Variants in MAGEC3 observed in about 807,000 individuals in gnomAD.
MAGEC3 encodes the protein MAGE family member C3.
A neutral mutation model predicts 35.3 loss-of-function variants in MAGEC3; 34 were observed. The observed-to-expected ratio is 0.96, with a 90% CI of 0.73 to 1.28. The LOEUF (loss-of-function observed/expected upper bound fraction) is 1.28. Ranked by LOEUF, MAGEC3 falls within the 50% of genes most tolerant of loss-of-function variation. The pLI, the probability that MAGEC3 is intolerant of heterozygous loss-of-function variation, is 0.00. For synonymous variants in MAGEC3, 202 were observed against 185.6 expected, an observed-to-expected ratio of 1.09 and a Z score of -0.72; for missense variants, 561 against 483.6, an observed-to-expected ratio of 1.16 and a Z score of -1.50.
At chrX:141,859,938 A>G (rs1345071767) in intron 1 of MAGEC3, among the ~76,000 whole-genome samples, 1 of 112,242 alleles carries the variant, frequency 8.9e-6, no homozygotes, top group Non-Finnish European at 1.9e-5. Flanking sequence ...ACAAAGCTCA[A>G]TAACCTCTTC....
intron 1 of MAGEC3, among the ~76,000 whole-genome samples, chrX:141,847,312 G>C (rs2017723145): frequency 9.1e-6 from 1 of 110,258 alleles, no homozygotes; most frequent in Non-Finnish European, 1.9e-5. Flanking sequence ...GCACTTATTG[G>C]GCAGATTTAC....
intron 1 of MAGEC3, 84 bp downstream of exon 1, chrX:141,838,522 G>A: frequency 3.5e-6 from 4 of 1,132,086 alleles, no homozygotes; most frequent in Non-Finnish European, 4.7e-6. Flanking sequence ...GTGTTGCTTG[G>A]CTCCAAGACA....
At chrX:141,859,709 G>A (rs1318810269) in intron 1 of MAGEC3, among the ~76,000 whole-genome samples, 3 of 110,915 alleles carry the variant, frequency 2.7e-5, no homozygotes, top group Non-Finnish European at 3.8e-5. Flanking sequence ...TAGGACTTAA[G>A]GAACAACATG....
chrX:141,878,244 T>C (rs2017932675), intron 2 of MAGEC3, among the ~76,000 whole-genome samples: 1 of 108,190 alleles, frequency 9.2e-6, no homozygotes, highest in African/African-American at 3.6e-5. Context: ...AGAGGTGAAG[T>C]GCCGTTCTTA....
intron 1 of MAGEC3, among the ~76,000 whole-genome samples, chrX:141,846,611 C>T (rs189791057): frequency 1.5e-4 from 17 of 111,035 alleles, no homozygotes; most frequent in African/African-American, 5.5e-4. Flanking sequence ...CAAGTCCCCC[C>T]AAGATGGTAA....
intron 3 of MAGEC3, 144 bp downstream of exon 3, chrX:141,879,575 T>G (rs1032619566): frequency 1.4e-6 from 1 of 706,157 alleles, no homozygotes; most frequent in Non-Finnish European, 2.0e-6. Context: ...CAGGAAGGGG[T>G]GGAGAAGGGC....
rs2017976986 is a variant in MAGEC3 at position 141,882,915 on chromosome X, G to A, written c.909+1119G>A. ...AGTCCCTGAGCTAAGGTAGTGTGGG[G>A]CTTCGGGAAACTGCAGGTGCTTCTG... On this transcript the variant is annotated intron_variant, in intron 4 of 7. Coordinates refer to ENST00000298296, the MANE Select transcript of MAGEC3 (RefSeq NM_138702.1). Among the ~76,000 whole-genome samples the A allele has an allele frequency of 4.5e-5, 5 of 112,168 alleles. No individual in the cohort carries two copies. In the South Asian group the frequency reaches 1.9e-3, roughly 42 times the overall value.
At chrX:141,862,284 C>T (rs1302488704) in intron 1 of MAGEC3, among the ~76,000 whole-genome samples, 2 of 111,313 alleles carry the variant, frequency 1.8e-5, no homozygotes, top group African/African-American at 3.3e-5. Context: ...AAAAAAAAAT[C>T]AGATGCTGGT....
chrX:141,848,679 T>C (rs889650207), intron 1 of MAGEC3, among the ~76,000 whole-genome samples: 9 of 111,355 alleles, frequency 8.1e-5, no homozygotes, highest in Non-Finnish European at 1.9e-5. Flanking sequence ...AAAGAATTAA[T>C]ATTGTTAAGA....
At chrX:141,896,459 A>G (rs763563501) in intron 6 of MAGEC3, 3 of 1,156,416 alleles carry the variant, frequency 2.6e-6, no homozygotes, top group South Asian at 2.1e-5. Context: ...TCTTAGGAAG[A>G]CAGGCGACCT....
At chrX:141,870,686 A>G (rs774769387) in intron 2 of MAGEC3, among the ~76,000 whole-genome samples, 1 of 112,207 alleles carries the variant, frequency 8.9e-6, no homozygotes, top group Non-Finnish European at 1.9e-5. Flanking sequence ...AGTAGCTTTA[A>G]TTACATGTTA....
chrX:141,849,698 C>T (rs912084646), intron 1 of MAGEC3, among the ~76,000 whole-genome samples: 3 of 111,135 alleles, frequency 2.7e-5, no homozygotes, highest in African/African-American at 9.8e-5. Context: ...GATACCACCT[C>T]ACACCAGTCA....
chrX:141,850,039 A>C (rs1002096487), intron 1 of MAGEC3, among the ~76,000 whole-genome samples: 3 of 111,735 alleles, frequency 2.7e-5, no homozygotes, highest in African/African-American at 6.5e-5. Context: ...AATACTATGC[A>C]GCTATAAAAA....
intron 1 of MAGEC3, among the ~76,000 whole-genome samples, chrX:141,853,860 A>G (rs2017765344): frequency 9.0e-6 from 1 of 111,207 alleles, no homozygotes; most frequent in Non-Finnish European, 1.9e-5. Flanking sequence ...TTTTTTGCCA[A>G]TAGACTAAGT....
chrX:141,869,245 G>T lies in MAGEC3; in HGVS notation c.258+3640G>T, dbSNP rs190171940. Reference sequence around the variant, plus strand: ...AGTTAAAGCCTTGGTAAAATAACCAGTTTTTTTTTTAATTGTGTTCTGTTA... The same window carrying T: ...AGTTAAAGCCTTGGTAAAATAACCATTTTTTTTTTTAATTGTGTTCTGTTA... On this transcript the variant is annotated intron_variant, in intron 2 of 7. Transcript: ENST00000298296. Among the ~76,000 whole-genome samples the T allele has an allele frequency of 5.2e-3, 562 of 107,475 alleles. 6 individuals are homozygous for T. The highest frequency in any genetic ancestry group is 0.018 in the African/African-American group (544 of 29,626). The allele number at this position is 107,475 out of a possible 115,157, so 93.3% of individuals were successfully genotyped here.
chrX:141,843,106 C>T (rs1347327967), intron 1 of MAGEC3, among the ~76,000 whole-genome samples: 4 of 112,374 alleles, frequency 3.6e-5, no homozygotes, highest in South Asian at 3.6e-4. Context: ...ATTCATAAAA[C>T]GCTTTATCAT....
At position 141,897,792 on chromosome X, in the gene MAGEC3, C is replaced by T. The variant is rs1477802323; in HGVS notation, c.1892C>T (p.Ala631Val). ...TTDDATAMAS[A>V]SPSVMSTNFC... Reference sequence around the variant, plus strand: ...GATGATGCTACTGCCATGGCCAGTGCAAGCCCCAGTGTCATGTCCACCAAC... The same window carrying T: ...GATGATGCTACTGCCATGGCCAGTGTAAGCCCCAGTGTCATGTCCACCAAC... Residue 631 changes from alanine (A) to valine (V), a missense_variant, in exon 8 of 8, where the codon GCA (alanine) becomes GTA (valine). Coordinates refer to ENST00000298296, the MANE Select transcript of MAGEC3 (RefSeq NM_138702.1). 2.5e-6 allele frequency: 3 copies of T among 1,204,507 alleles called. No individual in the cohort carries two copies. The highest frequency in any genetic ancestry group is 3.6e-5 in the South Asian group (2 of 54,977).
At chrX:141,869,182 C>T (rs1014630516) in intron 2 of MAGEC3, among the ~76,000 whole-genome samples, 1 of 111,380 alleles carries the variant, frequency 9.0e-6, no homozygotes. Flanking sequence ...CCGCGCCCGG[C>T]CAGTTCTTTG....
chrX:141,856,894 G>A (rs942836334), intron 1 of MAGEC3, among the ~76,000 whole-genome samples: 1 of 111,671 alleles, frequency 9.0e-6, no homozygotes, highest in African/African-American at 3.2e-5. Context: ...TTCATTACAG[G>A]GAGAGAGAAA....
Sources: gnomAD v4.1 joint callset for allele counts (sites outside exome capture counted in the v4.1 genomes callset) on GRCh38, gnomAD v4.1.1 for gene constraint, MANE v1.5 for transcripts, NCBI Gene and HGNC (gene_info 2026-07-23, HGNC 2026-07-21) for gene names.